MTRF1: variants seen among roughly 807,000 people sequenced by gnomAD.
MTRF1 encodes the protein peptide chain release factor 1, mitochondrial.
A neutral mutation model predicts 62.9 loss-of-function variants in MTRF1; 51 were observed. The ratio of observed to expected loss-of-function variants is 0.81; its 90% CI spans 0.65 to 1.02. The LOEUF is 1.02. MTRF1 is among the 50% of genes least tolerant of loss of function. The pLI is 0.00. For missense variants in MTRF1, 446 were observed against 530.0 expected (o/e 0.84, Z 1.56); for synonymous variants, 158 against 181.9 (o/e 0.87, Z 1.06).
intron 5 of MTRF1, among the ~76,000 whole-genome samples, chr13:41,251,137 T>C (rs142373156): frequency 2.4e-4 from 36 of 152,302 alleles, no homozygotes; most frequent in African/African-American, 8.2e-4. Flanking sequence ...ACACAAGACA[T>C]ACTGGATAAA....
intron 5 of MTRF1, among the ~76,000 whole-genome samples, chr13:41,249,619 C>CTTTTTTTTTTTTTTTTTTTTTTTT (rs1166204914): frequency 3.3e-5 from 2 of 61,530 alleles, no homozygotes; most frequent in African/African-American, 7.2e-5. Context: ...ATTTTTTTTT[C>CTTTTTTTTTTTTTTTTTTTTTTTT]TTTTTTTTTT....
At chr13:41,286,347 A>T in the MTRF1 span, among the ~76,000 whole-genome samples, 6 of 152,184 alleles carry the variant, frequency 3.9e-5, no homozygotes, top group Middle Eastern at 3.2e-3. Context: ...AGAACACTTG[A>T]TCCACTACAT....
upstream of MTRF1, among the ~76,000 whole-genome samples, chr13:41,263,858 G>A (rs2040737386): frequency 6.6e-6 from 1 of 152,132 alleles, no homozygotes; most frequent in African/African-American, 2.4e-5. Flanking sequence ...AACTCCCAGA[G>A]CGCCCACCAA....
chr13:41,230,286 C>T lies in MTRF1; in HGVS notation c.988+3604G>A, dbSNP rs1406865199. Reference sequence around the variant, plus strand: ...ATTCTTTTCTTTTTTTTTTTTGAGACGGAGTTTCACTCTTGTTGCCCAGGC... The same window carrying T: ...ATTCTTTTCTTTTTTTTTTTTGAGATGGAGTTTCACTCTTGTTGCCCAGGC... On this transcript the variant is annotated intron_variant, in intron 7 of 9. Coordinates refer to ENST00000379480, the MANE Select transcript of MTRF1 (RefSeq NM_004294.4). Among the ~76,000 whole-genome samples, 11 of 149,476 alleles carry T rather than the reference C, an allele frequency of 7.4e-5. No individual in the cohort carries two copies. The South Asian group carries it at 8.4e-4, about 11-fold the overall frequency.
the MTRF1 span, among the ~76,000 whole-genome samples, chr13:41,311,000 T>C: frequency 6.6e-6 from 1 of 152,216 alleles, no homozygotes; most frequent in Non-Finnish European, 1.5e-5. Flanking sequence ...AGACAATAAG[T>C]AGGAGTCTTA....
chr13:41,294,416 C>CAA, the MTRF1 span, among the ~76,000 whole-genome samples: 926 of 79,446 alleles, frequency 0.012, 14 homozygotes, highest in African/African-American at 0.032. Context: ...GACTCCATCT[C>CAA]AAAAAAAAAA....
the MTRF1 span, among the ~76,000 whole-genome samples, chr13:41,282,320 G>C: frequency 6.6e-6 from 1 of 152,118 alleles, no homozygotes; most frequent in Non-Finnish European, 1.5e-5. Flanking sequence ...ATCTGGGCAT[G>C]GTGGCATGTG....
At chr13:41,290,026 T>C in the MTRF1 span, among the ~76,000 whole-genome samples, 1 of 152,150 alleles carries the variant, frequency 6.6e-6, no homozygotes, top group African/African-American at 2.4e-5. Flanking sequence ...AGCACGGACT[T>C]TTATGCTACA....
chr13:41,279,558 T>C, the MTRF1 span, among the ~76,000 whole-genome samples: 1 of 152,164 alleles, frequency 6.6e-6, no homozygotes, highest in African/African-American at 2.4e-5. Flanking sequence ...AATTATTACC[T>C]AAGGGGTGTA....
the MTRF1 span, among the ~76,000 whole-genome samples, chr13:41,292,580 CA>C: frequency 0.016 from 963 of 61,250 alleles, 5 homozygotes; most frequent in African/African-American, 0.039. Context: ...GATTCTGTCT[CA>C]AAAAAAAAAA....
chr13:41,252,720 A>G lies in MTRF1; in HGVS notation c.622T>C (p.Phe208Leu). ...DICQQFTREI[F>L]DMYQNYSCYK... ...CACGAATAATTCTGGTACATGTCAAATATTTCTCGGGTAAATTGTTGGCAG... is the reference window on the plus strand; with the variant it reads ...CACGAATAATTCTGGTACATGTCAAGTATTTCTCGGGTAAATTGTTGGCAG... Residue 208 changes from phenylalanine (F) to leucine (L), a missense_variant, in exon 5 of 10, where the codon TTT (phenylalanine) becomes CTT (leucine). Physicochemically the swap from Phe to Leu is conservative, Grantham distance 22 (BLOSUM62 0). Transcript: ENST00000379480. The G allele has an allele frequency of 1.2e-6, 2 of 1,613,714 alleles. No individual in the cohort carries two copies. Among genetic ancestry groups the G allele is most frequent in the African/African-American group, 1.3e-5 (1 of 75,046 alleles).
chr13:41,293,482 A>G, the MTRF1 span, among the ~76,000 whole-genome samples: 1 of 152,198 alleles, frequency 6.6e-6, no homozygotes, highest in Non-Finnish European at 1.5e-5. Flanking sequence ...GTTTAACACA[A>G]AGGTTATAAA....
At chr13:41,265,641 G>C (rs941045183), upstream of MTRF1, among the ~76,000 whole-genome samples, 5 of 147,256 alleles carry the variant, frequency 3.4e-5, no homozygotes, top group Admixed American at 2.1e-4. Context: ...TTCTAAAAAG[G>C]CACCAGAGAT....
chr13:41,294,938 T>G, the MTRF1 span, among the ~76,000 whole-genome samples: 4 of 152,228 alleles, frequency 2.6e-5, no homozygotes, highest in Non-Finnish European at 5.9e-5. Context: ...TCATCAACTA[T>G]CAATTTGCTT....
chr13:41,309,342 G>GTGTGTGTGTGTGTGTGTA, the MTRF1 span, among the ~76,000 whole-genome samples: 2 of 692 alleles, frequency 2.9e-3, no homozygotes, highest in Non-Finnish European at 8.3e-3. Context: ...TGCCCAGCTA[G>GTGTGTGTGTGTGTGTGTA]TGTGTGTGTG....
At chr13:41,302,773 G>T in the MTRF1 span, among the ~76,000 whole-genome samples, 1 of 152,066 alleles carries the variant, frequency 6.6e-6, no homozygotes, top group African/African-American at 2.4e-5. Flanking sequence ...TGTTCCTCCT[G>T]CTTTGGCCTC....
chr13:41,266,234 A>C (rs1282873339), upstream of MTRF1, among the ~76,000 whole-genome samples: 2 of 152,010 alleles, frequency 1.3e-5, no homozygotes, highest in Non-Finnish European at 2.9e-5. Context: ...CTGGGATTAC[A>C]GGTGTGAGCT....
chr13:41,273,299 C>A, the MTRF1 span, among the ~76,000 whole-genome samples: 1 of 150,060 alleles, frequency 6.7e-6, no homozygotes, highest in Non-Finnish European at 1.5e-5. Flanking sequence ...GCACTCCAGC[C>A]TGGGCTACAG....
chr13:41,234,149 G>C (rs1300470745), intron 6 of MTRF1, 142 bp from the exon 7 acceptor site: 3 of 685,476 alleles, frequency 4.4e-6, no homozygotes, highest in African/African-American at 3.7e-5. Context: ...ACCAAAGAAA[G>C]AGCAATAAAC....
Sources: gnomAD v4.1 joint callset for allele counts (sites outside exome capture counted in the v4.1 genomes callset) on GRCh38, gnomAD v4.1.1 for gene constraint, MANE v1.5 for transcripts, NCBI Gene and HGNC (gene_info 2026-07-23, HGNC 2026-07-21) for gene names.